The following TMEM71 variants were observed in gnomAD, a reference collection of about 807,000 sequenced individuals.
TMEM71 encodes the protein transmembrane protein 71.
Under a neutral mutation model 38.0 loss-of-function variants are expected in TMEM71, and 44 were observed. The observed-to-expected ratio is 1.16, with a 90% CI of 0.91 to 1.49. The LOEUF is 1.49. Ranked by LOEUF, TMEM71 falls within the 40% of genes most tolerant of loss-of-function variation. TMEM71 has a pLI of 0.00. For synonymous variants in TMEM71, 133 were observed against 122.5 expected, an observed-to-expected ratio of 1.09 and a Z score of -0.56; for missense variants, 367 against 348.6, an observed-to-expected ratio of 1.05 and a Z score of -0.42.
chr8:132,775,663 C>T, the TMEM71 span: 3 of 335,012 alleles, frequency 9.0e-6, no homozygotes, highest in Non-Finnish European at 1.6e-5. Flanking sequence ...GCGGCGGCGG[C>T]TGAGCCGGCA....
chr8:132,731,831 C>G (rs1827473009), intron 5 of TMEM71, among the ~76,000 whole-genome samples: 1 of 152,176 alleles, frequency 6.6e-6, no homozygotes, highest in Non-Finnish European at 1.5e-5. Flanking sequence ...CAAATAGAAA[C>G]TTTCTCTGCC....
At chr8:132,727,100 A>G (rs1586789516) in intron 6 of TMEM71, among the ~76,000 whole-genome samples, 1 of 151,398 alleles carries the variant, frequency 6.6e-6, no homozygotes, top group Non-Finnish European at 1.5e-5. Context: ...CAGGTGTTCC[A>G]CCCGCCTCAG....
chr8:132,757,345 TTACATATGTTGA>T, intron 2 of TMEM71, 51 bp from the exon 3 acceptor site: 1 of 1,343,164 alleles, frequency 7.4e-7, no homozygotes, highest in Non-Finnish European at 1.1e-6. Flanking sequence ...TGATCAACAG[TTACATATGTTGA>T]TACATGTATC....
intron 7 of TMEM71, among the ~76,000 whole-genome samples, chr8:132,717,718 A>G (rs1374857466): frequency 2.0e-5 from 3 of 152,180 alleles, no homozygotes; most frequent in African/African-American, 7.2e-5. Context: ...TGGACTTACT[A>G]TATGCCCAGA....
intron 3 of TMEM71, among the ~76,000 whole-genome samples, chr8:132,756,803 G>A (rs2131205029): frequency 6.6e-6 from 1 of 151,912 alleles, no homozygotes; most frequent in South Asian, 2.1e-4. Flanking sequence ...TACCCAGGCT[G>A]GACTCAAACT....
At chr8:132,747,397 G>A (rs1828450742) in intron 4 of TMEM71, among the ~76,000 whole-genome samples, 1 of 152,178 alleles carries the variant, frequency 6.6e-6, no homozygotes, top group African/African-American at 2.4e-5. Context: ...TTTATTCTAT[G>A]CCTTGCATCT....
upstream of TMEM71, among the ~76,000 whole-genome samples, chr8:132,763,118 C>T (rs1406214315): frequency 6.6e-6 from 1 of 152,156 alleles, no homozygotes; most frequent in African/African-American, 2.4e-5. Context: ...TCTTCCTCCC[C>T]TCCCTCAGCT....
At chr8:132,737,503 C>A (rs1414555615) in intron 5 of TMEM71, among the ~76,000 whole-genome samples, 2 of 152,214 alleles carry the variant, frequency 1.3e-5, no homozygotes, top group Non-Finnish European at 2.9e-5. Flanking sequence ...GAGAAACTTT[C>A]CCCAAAGAGC....
At chr8:132,726,410 T>C (rs763448128) in intron 6 of TMEM71, among the ~76,000 whole-genome samples, 3 of 152,138 alleles carry the variant, frequency 2.0e-5, no homozygotes, top group Non-Finnish European at 2.9e-5. Context: ...AGAAAATATT[T>C]TTTCCATTTA....
rs139507519 is a variant in TMEM71, at chr8:132,751,968, T to G, written c.131A>C (p.His44Pro). 2.0e-4 allele frequency: 327 copies of G among 1,613,984 alleles called. No homozygotes were observed. The highest frequency in any genetic ancestry group is 2.6e-4 in the Non-Finnish European group (308 of 1,180,038). The change falls in exon 4 of 10, where the codon CAT (histidine) becomes CCT (proline). Residue 44 changes from histidine (H) to proline (P), a missense_variant. Physicochemically the swap from His to Pro is moderately conservative, Grantham distance 77 (BLOSUM62 -2). Transcript: ENST00000677595. The part of the protein sequence containing the change: ...SFTCDSLDGY[H>P]SFECGSIDPL... ...ATCTATGGAGCCGCATTCAAAAGAA[T>G]GGTAACCATCCAGGGAATCACAGGT...
upstream of TMEM71, among the ~76,000 whole-genome samples, chr8:132,762,774 C>T (rs1563760448): frequency 6.6e-6 from 1 of 152,254 alleles, no homozygotes; most frequent in African/African-American, 2.4e-5. Context: ...GCTTTCTTAA[C>T]CTATAAGTGT....
chr8:132,716,764 A>ATAAAT, intron 7 of TMEM71, among the ~76,000 whole-genome samples: 1 of 152,196 alleles, frequency 6.6e-6, no homozygotes, highest in East Asian at 1.9e-4. Flanking sequence ...CTTGAAAGAT[A>ATAAAT]TAAATTATCC....
chr8:132,742,278 T>C (rs988653377), intron 5 of TMEM71, among the ~76,000 whole-genome samples: 3 of 152,244 alleles, frequency 2.0e-5, no homozygotes, highest in Non-Finnish European at 2.9e-5. Flanking sequence ...GTGTCCTCGG[T>C]CTCTTGCCTC....
intron 2 of TMEM71, 41 bp downstream of exon 2, chr8:132,758,799 G>T: frequency 6.3e-7 from 1 of 1,578,790 alleles, no homozygotes; most frequent in Non-Finnish European, 8.7e-7. Context: ...GAGTCTAATC[G>T]TTCAAAAGAT....
intron 1 of TMEM71, 129 bp from the exon 2 acceptor site, chr8:132,759,044 AG>A: frequency 1.6e-6 from 1 of 622,254 alleles, no homozygotes; most frequent in East Asian, 2.8e-5. Flanking sequence ...ACAGAATTGA[AG>A]GTAGGAGACC....
intron 3 of TMEM71, among the ~76,000 whole-genome samples, chr8:132,752,996 C>T (rs867191479): frequency 5.9e-5 from 9 of 152,010 alleles, no homozygotes; most frequent in African/African-American, 2.2e-4. Context: ...ACAATAGTAA[C>T]AGAGCCATGT....
intron 5 of TMEM71, among the ~76,000 whole-genome samples, chr8:132,735,912 T>C (rs1333933876): frequency 6.6e-6 from 1 of 152,168 alleles, no homozygotes; most frequent in Non-Finnish European, 1.5e-5. Context: ...GTCACGTAAA[T>C]GCCCTAAACA....
chr8:132,739,810 C>T (rs1002499239), intron 5 of TMEM71, among the ~76,000 whole-genome samples: 2 of 152,034 alleles, frequency 1.3e-5, no homozygotes, highest in Non-Finnish European at 2.9e-5. Context: ...GGAATAAGCA[C>T]CCTTGACTTC....
intron 7 of TMEM71, 121 bp downstream of exon 7, chr8:132,721,919 G>T: frequency 1.2e-6 from 1 of 840,928 alleles, no homozygotes; most frequent in Non-Finnish European, 2.1e-6. Flanking sequence ...ACAGACACAT[G>T]AACGAATCTC....
Sources: gnomAD v4.1 joint callset for allele counts (sites outside exome capture counted in the v4.1 genomes callset) on GRCh38, gnomAD v4.1.1 for gene constraint, MANE v1.5 for transcripts, NCBI Gene and HGNC (gene_info 2026-07-23, HGNC 2026-07-21) for gene names.